The following DNAH7 variants were observed in gnomAD, a reference collection of about 807,000 sequenced individuals.
DNAH7 encodes axonemal beta dynein heavy chain 7.
Under a neutral mutation model 444.6 loss-of-function variants are expected in DNAH7, and 397 were observed. That is an observed-to-expected ratio of 0.89 (90% CI 0.82 to 0.97). The LOEUF (loss-of-function observed/expected upper bound fraction) is 0.97, where lower values mean the gene tolerates loss of function less well. DNAH7 is among the 50% of genes least tolerant of loss of function. DNAH7 has a pLI of 0.00. For synonymous variants in DNAH7, 1,636 were observed against 1,624.4 expected, an observed-to-expected ratio of 1.01 and a Z score of -0.17; for missense variants, 4,902 against 4,800.8, an observed-to-expected ratio of 1.02 and a Z score of -0.62.
intron 63 of DNAH7, 101 bp downstream of exon 63, chr2:195,754,236 C>A: frequency 8.0e-7 from 1 of 1,245,474 alleles, no homozygotes; most frequent in South Asian, 1.8e-5. Context: ...AAATTACATT[C>A]ATGTTTATTA....
intron 10 of DNAH7, among the ~76,000 whole-genome samples, chr2:196,006,381 T>A (rs574032042): frequency 6.6e-6 from 1 of 152,082 alleles, no homozygotes; most frequent in Non-Finnish European, 1.5e-5. Flanking sequence ...GTTCAATACA[T>A]GAAAAATCAA....
At chr2:196,006,150 C>T (rs1004010072) in intron 10 of DNAH7, among the ~76,000 whole-genome samples, 3 of 151,972 alleles carry the variant, frequency 2.0e-5, no homozygotes, top group Non-Finnish European at 4.4e-5. Flanking sequence ...CTTGTCTCTA[C>T]AAAAATGAAC....
intron 19 of DNAH7, among the ~76,000 whole-genome samples, chr2:195,937,831 C>CA (rs1213065079): frequency 6.6e-6 from 1 of 151,650 alleles, no homozygotes; most frequent in Non-Finnish European, 1.5e-5. Context: ...GTTGAAAAAA[C>CA]AAAAAAGGTG....
At position 195,972,265 on chromosome 2, in the gene DNAH7, C is replaced by T; in HGVS notation, c.2035G>A (p.Glu679Lys). Residue 679 changes from glutamate to lysine, a missense_variant, in exon 16 of 65, where the codon GAA (glutamate) becomes AAA (lysine). By Grantham distance (56) the Glu-to-Lys change is moderately conservative (BLOSUM62 1). Transcript: ENST00000312428. The part of the protein sequence containing the change: ...EHRKIIKEKI[E>K]QYQEGLKLRC... The stretch of plus-strand genomic sequence containing the variant: ...ACCTTCAGACCTTCTTGATATTGTT[C>T]TATTTTCTCTTTAATGATTTTCCTG... 3 of 1,613,712 alleles carry T rather than the reference C, an allele frequency of 1.9e-6. No homozygotes were observed. The South Asian group carries it at 3.3e-5, about 18-fold the overall frequency.
At chr2:196,062,380 C>T (rs1010462594) in intron 1 of DNAH7, among the ~76,000 whole-genome samples, 3 of 152,214 alleles carry the variant, frequency 2.0e-5, no homozygotes, top group African/African-American at 7.2e-5. Flanking sequence ...CTTACCTTCT[C>T]TATGCTTGTA....
At chr2:195,989,930 C>A (rs1237306252) in intron 12 of DNAH7, among the ~76,000 whole-genome samples, 1 of 152,142 alleles carries the variant, frequency 6.6e-6, no homozygotes. Context: ...GCCAATTAAA[C>A]CTCTTTTTTA....
At position 195,960,685 on chromosome 2, in the gene DNAH7, T is replaced by C. The variant is rs1225495743; in HGVS notation, c.2466A>G (p.Ala822=). Reference sequence around the variant, plus strand: ...CCTTTGATCTTACTTTTTTTGTCATTGCCAATGCATATGGAGAATCATGAA... The same window carrying C: ...CCTTTGATCTTACTTTTTTTGTCATCGCCAATGCATATGGAGAATCATGAA... ...KTFHDSPYAL[A]MTKKVRSKVE... The change falls in exon 18 of 65, where the codon GCA becomes GCG. Residue 822 remains alanine, a synonymous_variant. Transcript: ENST00000312428. 1 of 1,614,238 alleles carries C rather than the reference T, an allele frequency of 6.2e-7. No individual in the cohort carries two copies. Among genetic ancestry groups the C allele is most frequent in the East Asian group, 2.2e-5 (1 of 44,880 alleles).
At chr2:195,889,195 C>T (rs1701874098) in intron 31 of DNAH7, among the ~76,000 whole-genome samples, 1 of 152,030 alleles carries the variant, frequency 6.6e-6, no homozygotes, top group South Asian at 2.1e-4. Context: ...CTATATATGC[C>T]ATGGACAAGA....
intron 62 of DNAH7, 70 bp downstream of exon 62, chr2:195,756,063 T>C: frequency 2.0e-6 from 3 of 1,485,608 alleles, no homozygotes; most frequent in Non-Finnish European, 2.7e-6. Context: ...ACTCATTACA[T>C]TAAGCATTCT....
intron 53 of DNAH7, 98 bp downstream of exon 53, chr2:195,808,584 T>G: frequency 7.1e-7 from 1 of 1,416,072 alleles, no homozygotes; most frequent in South Asian, 1.3e-5. Flanking sequence ...TGTGACCAGT[T>G]GTTTAAAGCT....
At chr2:195,955,457 A>C (rs191842577) in intron 19 of DNAH7, among the ~76,000 whole-genome samples, 1 of 152,244 alleles carries the variant, frequency 6.6e-6, no homozygotes, top group East Asian at 1.9e-4. Context: ...GTCAGGTAGC[A>C]TGATGCCTCC....
chr2:195,744,209 A>G (rs1387081162), intron 63 of DNAH7, among the ~76,000 whole-genome samples: 1 of 152,206 alleles, frequency 6.6e-6, no homozygotes, highest in Admixed American at 6.5e-5. Flanking sequence ...CCAGGAGATT[A>G]TATCCCACAC....
intron 60 of DNAH7, among the ~76,000 whole-genome samples, chr2:195,772,710 T>C (rs943736858): frequency 6.6e-6 from 1 of 152,098 alleles, no homozygotes; most frequent in African/African-American, 2.4e-5. Flanking sequence ...ATGCTCAAAA[T>C]TGATTCTGAA....
intron 19 of DNAH7, among the ~76,000 whole-genome samples, chr2:195,955,980 T>G (rs961395204): frequency 6.6e-6 from 1 of 152,122 alleles, no homozygotes; most frequent in Non-Finnish European, 1.5e-5. Flanking sequence ...TTAATTCCAG[T>G]GTGATTAATT....
chr2:195,911,925 A>C (rs1202587039), intron 24 of DNAH7, among the ~76,000 whole-genome samples: 2 of 152,200 alleles, frequency 1.3e-5, no homozygotes, highest in Non-Finnish European at 2.9e-5. Context: ...AAATGATAAA[A>C]ATTTTTGGTA....
intron 19 of DNAH7, among the ~76,000 whole-genome samples, chr2:195,955,364 C>G (rs902309271): frequency 6.6e-5 from 10 of 151,936 alleles, no homozygotes; most frequent in Admixed American, 2.6e-4. Context: ...TGAGGGCTCT[C>G]TTCTGTTCCA....
chr2:196,017,871 T>TAC (rs1220195503), intron 9 of DNAH7, among the ~76,000 whole-genome samples: 1 of 152,106 alleles, frequency 6.6e-6, no homozygotes, highest in Non-Finnish European at 1.5e-5. Flanking sequence ...AGATCTCACA[T>TAC]ACAATTTACT....
chr2:195,931,403 C>T (rs1049981450), intron 21 of DNAH7, among the ~76,000 whole-genome samples: 3 of 151,934 alleles, frequency 2.0e-5, no homozygotes, highest in South Asian at 2.1e-4. Flanking sequence ...GTTTCTTTTG[C>T]TGTGCAGAAG....
At chr2:195,998,505 G>A (rs1472571319) in intron 12 of DNAH7, among the ~76,000 whole-genome samples, 2 of 151,264 alleles carry the variant, frequency 1.3e-5, no homozygotes, top group Non-Finnish European at 2.9e-5. Flanking sequence ...GAACCAAGGA[G>A]GCAGAGCCAA....
Sources: gnomAD v4.1 joint callset for allele counts (sites outside exome capture counted in the v4.1 genomes callset) on GRCh38, gnomAD v4.1.1 for gene constraint, MANE v1.5 for transcripts, NCBI Gene and HGNC (gene_info 2026-07-23, HGNC 2026-07-21) for gene names.